ADAMTS3: variants seen among roughly 807,000 people sequenced by gnomAD.
The protein encoded by ADAMTS3 is ADAM metallopeptidase with thrombospondin type 1 motif 3.
Under a neutral mutation model 129.0 loss-of-function variants are expected in ADAMTS3, and 73 were observed. The ratio of observed to expected loss-of-function variants is 0.57; its 90% CI spans 0.47 to 0.69. The LOEUF (loss-of-function observed/expected upper bound fraction) is 0.69, where lower values mean the gene tolerates loss of function less well. Ranked by LOEUF, ADAMTS3 falls within the 30% of genes least tolerant of loss-of-function variation. The pLI is 0.00. For missense variants in ADAMTS3, 1,457 were observed against 1,514.5 expected (o/e 0.96, Z 0.63); for synonymous variants, 477 against 510.8 (o/e 0.93, Z 0.89).
chr4:72,283,725 T>C lies in ADAMTS3; in HGVS notation c.3050-21A>G, dbSNP rs369196321. The C allele has an allele frequency of 3.9e-6, 6 of 1,521,284 alleles. No individual in the cohort carries two copies. In the African/African-American group the frequency reaches 6.9e-5, roughly 18 times the overall value. The allele number at this position is 1,521,284 out of a possible 1,614,324, so 94.2% of individuals were successfully genotyped here. A position where few individuals can be genotyped will look rare whatever the true frequency, so the allele number is the denominator to read the frequency against. ...TTCATCTGCAAAAATAAAAAGAAAA[T>C]AAACTAACACTAGCATCTAAACATA... On this transcript the variant is annotated intron_variant, in intron 21 of 21. Transcript: ENST00000286657.
chr4:72,328,298 A>C (rs940780703), intron 5 of ADAMTS3, among the ~76,000 whole-genome samples: 1 of 152,226 alleles, frequency 6.6e-6, no homozygotes, highest in African/African-American at 2.4e-5. Flanking sequence ...AATCAAATCA[A>C]GTATTCCTTT....
intron 3 of ADAMTS3, among the ~76,000 whole-genome samples, chr4:72,513,725 A>G (rs147975346): frequency 6.6e-6 from 1 of 151,958 alleles, no homozygotes; most frequent in Non-Finnish European, 1.5e-5. Context: ...TTTTTCCTGC[A>G]GTTTTTTTAC....
intron 3 of ADAMTS3, among the ~76,000 whole-genome samples, chr4:72,463,662 C>T (rs556441010): frequency 2.3e-4 from 31 of 136,898 alleles, no homozygotes; most frequent in African/African-American, 7.7e-4. Flanking sequence ...TACTATTTTT[C>T]AGTGTTTTGA....
intron 5 of ADAMTS3, among the ~76,000 whole-genome samples, chr4:72,327,824 T>C (rs1359857239): frequency 6.6e-6 from 1 of 152,190 alleles, no homozygotes; most frequent in Non-Finnish European, 1.5e-5. Context: ...TGCAGCTTCT[T>C]TTCATAATCT....
intron 5 of ADAMTS3, among the ~76,000 whole-genome samples, chr4:72,325,405 T>C (rs1329759696): frequency 6.6e-6 from 1 of 152,164 alleles, no homozygotes; most frequent in African/African-American, 2.4e-5. Context: ...TTCCTAACTT[T>C]ATAGTTGCAA....
intron 1 of ADAMTS3, chr4:72,568,004 C>G (rs1722060933): frequency 6.5e-6 from 1 of 152,962 alleles, no homozygotes; most frequent in Non-Finnish European, 1.5e-5. Flanking sequence ...CGAAAAGAAA[C>G]AGAGCTGCAC....
intron 3 of ADAMTS3, among the ~76,000 whole-genome samples, chr4:72,464,927 G>A (rs993556481): frequency 3.3e-5 from 5 of 152,012 alleles, no homozygotes; most frequent in African/African-American, 1.2e-4. Flanking sequence ...CAGTAGTCTT[G>A]TATTCATTCA....
chr4:72,356,843 A>G (rs1720593978), intron 4 of ADAMTS3, among the ~76,000 whole-genome samples: 1 of 151,884 alleles, frequency 6.6e-6, no homozygotes, highest in East Asian at 1.9e-4. Context: ...AATATTACTT[A>G]AAGCCAAACA....
rs1353021028 is a variant in ADAMTS3, at chr4:72,315,413, AG to A, written c.1599+444del. Among the ~76,000 whole-genome samples the A allele has an allele frequency of 3.9e-5, 6 of 152,324 alleles. No homozygotes were observed. In the East Asian group the frequency reaches 5.8e-4, roughly 15 times the overall value. ...TGTATCCTTATAAGAGAGGGGTAGA[AG>A]GAGATTTGACCCATAAAGATGAGGA... On this transcript the variant is annotated intron_variant, in intron 11 of 21. Transcript: ENST00000286657.
intron 4 of ADAMTS3, among the ~76,000 whole-genome samples, chr4:72,372,906 C>T (rs534478922): frequency 6.6e-6 from 1 of 152,110 alleles, no homozygotes; most frequent in African/African-American, 2.4e-5. Flanking sequence ...ATTTCACTTT[C>T]AGTAGCCAAA....
intron 4 of ADAMTS3, among the ~76,000 whole-genome samples, chr4:72,404,825 A>AACACACACACAC (rs146366382): frequency 1.2e-4 from 18 of 148,812 alleles, no homozygotes; most frequent in African/African-American, 4.2e-4. Flanking sequence ...AAGCAAACAA[A>AACACACACACAC]ACACACACAC....
chr4:72,446,695 G>C (rs1047541101), intron 3 of ADAMTS3, among the ~76,000 whole-genome samples: 1 of 151,634 alleles, frequency 6.6e-6, no homozygotes, highest in Non-Finnish European at 1.5e-5. Flanking sequence ...ACAAACTATA[G>C]CTCTCTAACA....
chr4:72,403,160 A>G (rs1721967495), intron 4 of ADAMTS3, among the ~76,000 whole-genome samples: 1 of 152,068 alleles, frequency 6.6e-6, no homozygotes, highest in Non-Finnish European at 1.5e-5. Flanking sequence ...CAAGAATTGA[A>G]GAAGACTAAA....
chr4:72,405,455 A>AAAAAC (rs1182583074), intron 4 of ADAMTS3, among the ~76,000 whole-genome samples: 1 of 152,162 alleles, frequency 6.6e-6, no homozygotes, highest in Non-Finnish European at 1.5e-5. Flanking sequence ...AATATTTAAA[A>AAAAAC]AAAACAGATT....
At chr4:72,559,670 C>T (rs1721852648) in intron 2 of ADAMTS3, among the ~76,000 whole-genome samples, 1 of 151,632 alleles carries the variant, frequency 6.6e-6, no homozygotes, top group Non-Finnish European at 1.5e-5. Flanking sequence ...AAGTCAAAGA[C>T]ACACTAATAA....
chr4:72,298,787 A>G (rs1718875115), intron 17 of ADAMTS3, among the ~76,000 whole-genome samples: 1 of 151,688 alleles, frequency 6.6e-6, no homozygotes, highest in South Asian at 2.1e-4. Context: ...GTAAAGAATT[A>G]TAATTAAAAT....
At chr4:72,534,723 G>A (rs1399647283) in intron 3 of ADAMTS3, among the ~76,000 whole-genome samples, 1 of 152,092 alleles carries the variant, frequency 6.6e-6, no homozygotes, top group East Asian at 1.9e-4. Context: ...TTTTAAGTAT[G>A]GAAAAAAGTA....
chr4:72,284,789 T>C (rs1177197734), intron 21 of ADAMTS3, among the ~76,000 whole-genome samples: 1 of 152,208 alleles, frequency 6.6e-6, no homozygotes, highest in Non-Finnish European at 1.5e-5. Context: ...TAAAATTTTA[T>C]TGATTCCAGG....
At chr4:72,305,401 G>C (rs1051396357) in intron 16 of ADAMTS3, among the ~76,000 whole-genome samples, 2 of 151,936 alleles carry the variant, frequency 1.3e-5, no homozygotes, top group Non-Finnish European at 2.9e-5. Flanking sequence ...ATAAGGATAC[G>C]TACAGTATTG....
Sources: allele counts gnomAD v4.1 joint callset (sites outside exome capture counted in the v4.1 genomes callset), GRCh38; gene constraint gnomAD v4.1.1; transcripts MANE v1.5; gene names NCBI Gene and HGNC (gene_info 2026-07-23, HGNC 2026-07-21).